GRIP1: variants seen among roughly 807,000 people sequenced by gnomAD.
GRIP1 encodes glutamate receptor-interacting protein 1.
Under a neutral mutation model 129.9 loss-of-function variants are expected in GRIP1, and 45 were observed. The ratio of observed to expected loss-of-function variants is 0.35; its 90% CI spans 0.27 to 0.44. The LOEUF (loss-of-function observed/expected upper bound fraction) is 0.44. Among genes scored for constraint, GRIP1 ranks in the 20% least tolerant of loss-of-function variants. GRIP1 has a pLI of 1.00. For synonymous variants in GRIP1, 530 were observed against 520.8 expected (o/e 1.02, Z -0.24); for missense variants, 1,196 against 1,396.8 (o/e 0.86, Z 2.29).
intron 1 of GRIP1, among the ~76,000 whole-genome samples, chr12:66,905,647 AC>A (rs1335340040): frequency 1.3e-5 from 2 of 152,190 alleles, no homozygotes; most frequent in African/African-American, 4.8e-5. Flanking sequence ...AAAGGATTCA[AC>A]CTTTAAAAAA....
At chr12:66,444,492 CAAAAAAA>C (rs63070262) in intron 13 of GRIP1, 85 bp downstream of exon 13, 15 of 668,914 alleles carry the variant, frequency 2.2e-5, no homozygotes, top group African/African-American at 6.4e-5. Context: ...GACTCCGTCT[CAAAAAAA>C]AAAAAAAAAA....
At chr12:66,950,076 A>T (rs1483219555) in intron 1 of GRIP1, among the ~76,000 whole-genome samples, 3 of 152,032 alleles carry the variant, frequency 2.0e-5, no homozygotes, top group African/African-American at 4.8e-5. Context: ...ACGCCCGGCC[A>T]CTACTTCCTT....
In GRIP1 at chr12:66,921,531, G is replaced by C. The variant is rs182447291; in HGVS notation, c.58+147519C>G. The stretch of plus-strand genomic sequence containing the variant: ...GGGCCCCATGCATGGATTTCTCCTA[G>C]TACTGCAGGCTCCTGCTTTTGAACT... On this transcript the variant is annotated intron_variant, in intron 1 of 1. Coordinates refer to the GRIP1 transcript ENST00000643019. 2.5e-3 allele frequency among the ~76,000 whole-genome samples: 378 copies of C among 152,324 alleles called. 2 individuals are homozygous for C. The Middle Eastern group carries it at 0.027, about 11-fold the overall frequency.
At chr12:66,786,940 T>G (rs746710720) in intron 1 of GRIP1, among the ~76,000 whole-genome samples, 1 of 152,192 alleles carries the variant, frequency 6.6e-6, no homozygotes, top group East Asian at 1.9e-4. Flanking sequence ...CCCTCAGGTC[T>G]AATCCTTTTG....
intron 11 of GRIP1, among the ~76,000 whole-genome samples, chr12:66,446,098 C>A (rs187178227): frequency 7.3e-6 from 1 of 137,278 alleles, no homozygotes; most frequent in Non-Finnish European, 1.6e-5. Context: ...CCTCCTGCCG[C>A]CCCCCACCAC....
chr12:66,674,143 A>G (rs1336933351), intron 1 of GRIP1, among the ~76,000 whole-genome samples: 1 of 152,148 alleles, frequency 6.6e-6, no homozygotes, highest in African/African-American at 2.4e-5. Flanking sequence ...AGACAGGAGA[A>G]ATGAGGTCCA....
At chr12:66,660,493 G>T (rs1040285034) in intron 1 of GRIP1, among the ~76,000 whole-genome samples, 4 of 152,050 alleles carry the variant, frequency 2.6e-5, no homozygotes, top group Admixed American at 2.6e-4. Context: ...GTATCAATTA[G>T]TTATTATTAA....
intron 1 of GRIP1, among the ~76,000 whole-genome samples, chr12:66,606,216 G>A (rs2064519263): frequency 6.6e-6 from 1 of 152,188 alleles, no homozygotes; most frequent in Non-Finnish European, 1.5e-5. Context: ...TGTGGTAATG[G>A]AGAAAATGGA....
At chr12:66,647,978 T>C (rs1018701542) in intron 1 of GRIP1, among the ~76,000 whole-genome samples, 47 of 152,204 alleles carry the variant, frequency 3.1e-4, no homozygotes, top group African/African-American at 1.1e-3. Context: ...ATCTGTTTGA[T>C]TTCCTGCTGC....
intron 1 of GRIP1, among the ~76,000 whole-genome samples, chr12:66,812,525 A>G (rs1164536423): frequency 6.6e-6 from 1 of 152,198 alleles, no homozygotes; most frequent in Non-Finnish European, 1.5e-5. Flanking sequence ...ACATAATTAC[A>G]TGTTCGATAT....
intron 1 of GRIP1, among the ~76,000 whole-genome samples, chr12:66,913,078 G>T (rs1485291158): frequency 2.0e-5 from 3 of 152,154 alleles, no homozygotes; most frequent in African/African-American, 7.2e-5. Flanking sequence ...AAACAAGTCG[G>T]CCGCCACAGC....
chr12:66,736,392 T>C (rs970490326), intron 1 of GRIP1, among the ~76,000 whole-genome samples: 10 of 129,454 alleles, frequency 7.7e-5, no homozygotes, highest in Non-Finnish European at 1.4e-4. Context: ...TTTTTTTTTT[T>C]AGGATACAGG....
chr12:66,370,353 A>T (rs1396380515), intron 23 of GRIP1, among the ~76,000 whole-genome samples: 18 of 152,226 alleles, frequency 1.2e-4, no homozygotes. Flanking sequence ...CAGTATGGGT[A>T]TTAAATGAAT....
intron 1 of GRIP1, among the ~76,000 whole-genome samples, chr12:66,765,474 G>GT (rs1182981798): frequency 6.6e-6 from 1 of 152,162 alleles, no homozygotes; most frequent in Admixed American, 6.5e-5. Flanking sequence ...AAATGTCATA[G>GT]TTTTTTTAAA....
intron 1 of GRIP1, among the ~76,000 whole-genome samples, chr12:66,783,349 T>C (rs925087097): frequency 6.6e-6 from 1 of 152,160 alleles, no homozygotes; most frequent in African/African-American, 2.4e-5. Context: ...GTTTCTTGAT[T>C]ATTATAATGT....
In GRIP1 at chr12:66,541,836, C is replaced by G. The variant is rs367921418; in HGVS notation, c.251G>C (p.Arg84Pro). The change falls in exon 3 of 25, where the codon CGG (arginine) becomes CCG (proline). Residue 84 changes from arginine to proline, a missense_variant. Coordinates refer to ENST00000359742, the MANE Select transcript of GRIP1 (RefSeq NM_001366722.1). ...TTACCTAGCAGCAATTCCTCCTTGCCGCAGATTAGATACTCTTGGCTTGCC... is the reference window on the plus strand; with the variant it reads ...TTACCTAGCAGCAATTCCTCCTTGCGGCAGATTAGATACTCTTGGCTTGCC... Reference protein sequence around the residue: ...KDGKPRVSNLRQGGIAARSDQ... With the variant: ...KDGKPRVSNLPQGGIAARSDQ... 6.2e-7 allele frequency: 1 copy of G among 1,613,974 alleles called. No homozygotes were observed. The highest frequency in any genetic ancestry group is 8.5e-7 in the Non-Finnish European group (1 of 1,179,880).
intron 1 of GRIP1, among the ~76,000 whole-genome samples, chr12:66,606,123 C>T (rs1489360007): frequency 6.6e-6 from 1 of 152,092 alleles, no homozygotes. Context: ...AAAGGATGTT[C>T]CCAATAAGCC....
At chr12:66,788,217 C>T (rs1026352576) in intron 1 of GRIP1, among the ~76,000 whole-genome samples, 1 of 149,160 alleles carries the variant, frequency 6.7e-6, no homozygotes, top group African/African-American at 2.5e-5. Flanking sequence ...TTGTTAAATA[C>T]AAAAAACACA....
chr12:66,931,781 T>G (rs989845151), intron 1 of GRIP1, among the ~76,000 whole-genome samples: 41 of 152,312 alleles, frequency 2.7e-4, no homozygotes, highest in Non-Finnish European at 4.7e-4. Flanking sequence ...TCCGTGATTT[T>G]TTTAACACTA....
Sources: gnomAD v4.1 joint callset for allele counts (sites outside exome capture counted in the v4.1 genomes callset) on GRCh38, gnomAD v4.1.1 for gene constraint, MANE v1.5 for transcripts, NCBI Gene and HGNC (gene_info 2026-07-23, HGNC 2026-07-21) for gene names.